FAM13B: variants seen among roughly 807,000 people sequenced by gnomAD.
FAM13B encodes the protein family with sequence similarity 13 member B.
In FAM13B, 60 loss-of-function variants were observed where a neutral mutation model predicts 117.3. That is an observed-to-expected ratio of 0.51 (90% CI 0.42 to 0.63). The LOEUF is 0.63. Among genes scored for constraint, FAM13B ranks in the 30% least tolerant of loss-of-function variants. FAM13B has a pLI of 0.00. For missense variants in FAM13B, 972 were observed against 1,091.9 expected, an observed-to-expected ratio of 0.89 and a Z score of 1.55; for synonymous variants, 332 against 356.1, an observed-to-expected ratio of 0.93 and a Z score of 0.76.
At chr5:138,024,030 TCTGCAAA>T (rs934567167) in intron 1 of FAM13B, among the ~76,000 whole-genome samples, 7 of 152,142 alleles carry the variant, frequency 4.6e-5, no homozygotes, top group African/African-American at 1.4e-4. Flanking sequence ...AGGTAACATT[TCTGCAAA>T]CTGCAAAGTA....
At chr5:137,951,189 G>C in intron 17 of FAM13B, among the ~76,000 whole-genome samples, 1 of 97,886 alleles carries the variant, frequency 1.0e-5, no homozygotes, top group African/African-American at 4.0e-5. Flanking sequence ...CAGGGCAACA[G>C]AGTAAAACCC....
intron 1 of FAM13B, chr5:138,038,491 C>T (rs1791364216): frequency 6.6e-6 from 1 of 152,166 alleles, no homozygotes; most frequent in Non-Finnish European, 1.5e-5. Context: ...TTGAGGTAGT[C>T]TCCTCTACTG....
chr5:138,044,816 A>G lies in FAM13B; in HGVS notation c.-203+7062T>C, dbSNP rs535670383. Among the ~76,000 whole-genome samples the G allele has an allele frequency of 1.5e-3, 221 of 152,334 alleles. 1 individual carries two copies. The highest frequency in any genetic ancestry group is 5.1e-3 in the African/African-American group (213 of 41,586). ...AAAGACAATCTAATATGAAATTACAAAAATAAACTTTTTATAGGGATTGCA... is the reference window on the plus strand; with the variant it reads ...AAAGACAATCTAATATGAAATTACAGAAATAAACTTTTTATAGGGATTGCA... On this transcript the variant is annotated intron_variant, in intron 1 of 3. Coordinates refer to the FAM13B transcript ENST00000502471.
At chr5:138,043,817 C>T (rs1352464500) in intron 1 of FAM13B, among the ~76,000 whole-genome samples, 1 of 151,804 alleles carries the variant, frequency 6.6e-6, no homozygotes, top group African/African-American at 2.4e-5. Context: ...CTCAAGCAAT[C>T]CTTTTGCCTC....
At chr5:137,971,878 C>A (rs1358047696) in intron 10 of FAM13B, among the ~76,000 whole-genome samples, 1 of 152,216 alleles carries the variant, frequency 6.6e-6, no homozygotes, top group African/African-American at 2.4e-5. Flanking sequence ...TGGATAAATT[C>A]TTCAACACAT....
At chr5:137,959,540 T>C in intron 13 of FAM13B, 76 bp downstream of exon 13, 1 of 1,458,624 alleles carries the variant, frequency 6.9e-7, no homozygotes, top group Non-Finnish European at 9.6e-7. Context: ...AAAAGGGCTG[T>C]AGTCTTATCA....
intron 1 of FAM13B, among the ~76,000 whole-genome samples, chr5:138,031,042 C>A (rs567046019): frequency 3.3e-5 from 5 of 150,688 alleles, no homozygotes; most frequent in East Asian, 3.9e-4. Context: ...AAAAAAAAAA[C>A]AAAACAGTAA....
intron 7 of FAM13B, among the ~76,000 whole-genome samples, chr5:137,990,218 G>A (rs1164632812): frequency 3.3e-5 from 5 of 152,094 alleles, no homozygotes; most frequent in African/African-American, 1.2e-4. Flanking sequence ...ACTAAACTTA[G>A]ATAATTCCTT....
chr5:137,949,732 G>A (rs902456240), intron 17 of FAM13B, among the ~76,000 whole-genome samples: 5 of 151,920 alleles, frequency 3.3e-5, no homozygotes, highest in Admixed American at 6.6e-5. Context: ...TCCAGAAGGC[G>A]GAGGTTGCAG....
At chr5:137,991,157 T>G (rs1030851079) in intron 7 of FAM13B, among the ~76,000 whole-genome samples, 1 of 152,202 alleles carries the variant, frequency 6.6e-6, no homozygotes, top group Non-Finnish European at 1.5e-5. Flanking sequence ...AGAACACCTA[T>G]AGCCCCAACA....
chr5:138,026,620 C>A (rs1788451180), intron 1 of FAM13B, among the ~76,000 whole-genome samples: 1 of 121,376 alleles, frequency 8.2e-6, no homozygotes, highest in Non-Finnish European at 1.6e-5. Flanking sequence ...CAGAGAGGGA[C>A]CGTGTCTCAA....
At chr5:137,976,956 TCTGA>T (rs1774205020) in intron 10 of FAM13B, among the ~76,000 whole-genome samples, 1 of 152,170 alleles carries the variant, frequency 6.6e-6, no homozygotes, top group African/African-American at 2.4e-5. Flanking sequence ...AACCTTAAAC[TCTGA>T]CTGCCGGTGA....
intron 10 of FAM13B, among the ~76,000 whole-genome samples, chr5:137,975,234 C>A (rs1315360869): frequency 6.6e-6 from 1 of 152,154 alleles, no homozygotes; most frequent in Admixed American, 6.5e-5. Flanking sequence ...AACTAATATT[C>A]CCCTCTTCTG....
chr5:138,042,480 C>T (rs1392246657), intron 1 of FAM13B, among the ~76,000 whole-genome samples: 3 of 152,036 alleles, frequency 2.0e-5, no homozygotes, highest in Non-Finnish European at 4.4e-5. Context: ...GTATACTTCT[C>T]CATATGTATT....
At position 137,942,058 on chromosome 5, in the gene FAM13B, T is replaced by C. The variant is rs1242014651; in HGVS notation, c.2589-13A>G. ...CAATAATTCAGGCCTAGAATTGAAA[T>C]GGTAAAATACTGAAGGGCACACTTG... is the stretch of plus-strand genomic sequence containing the variant. On this transcript the variant is annotated splice_polypyrimidine_tract_variant and intron_variant, in intron 22 of 23. Coordinates refer to ENST00000689681, the MANE Select transcript of FAM13B (RefSeq NM_001385994.1). 6.2e-7 allele frequency: 1 copy of C among 1,600,648 alleles called. No homozygotes were observed. Among genetic ancestry groups the C allele is most frequent in the Admixed American group, 1.7e-5 (1 of 59,848 alleles).
At chr5:138,027,619 G>C (rs747103323) in intron 1 of FAM13B, among the ~76,000 whole-genome samples, 1 of 152,182 alleles carries the variant, frequency 6.6e-6, no homozygotes, top group African/African-American at 2.4e-5. Flanking sequence ...AGCATAATTT[G>C]TCTGACATAC....
intron 1 of FAM13B, among the ~76,000 whole-genome samples, chr5:138,023,443 T>C (rs577620975): frequency 2.6e-5 from 4 of 152,280 alleles, no homozygotes; most frequent in East Asian, 1.9e-4. Flanking sequence ...ACCCAGATAA[T>C]AAGGGTCAGA....
At chr5:138,024,511 A>G (rs1182063242) in intron 1 of FAM13B, among the ~76,000 whole-genome samples, 1 of 151,592 alleles carries the variant, frequency 6.6e-6, no homozygotes, top group Non-Finnish European at 1.5e-5. Context: ...AGAGCCACCT[A>G]GTTTGTAGCA....
At chr5:137,988,885 T>C (rs11741110) in intron 7 of FAM13B, among the ~76,000 whole-genome samples, 2 of 152,048 alleles carry the variant, frequency 1.3e-5, no homozygotes, top group Admixed American at 6.5e-5. Flanking sequence ...TATATACTTG[T>C]GGGGGTGAGA....
Sources: allele counts gnomAD v4.1 joint callset (sites outside exome capture counted in the v4.1 genomes callset), GRCh38; gene constraint gnomAD v4.1.1; transcripts MANE v1.5; gene names NCBI Gene and HGNC (gene_info 2026-07-23, HGNC 2026-07-21).